Variants in AIFM3 observed in about 807,000 individuals in gnomAD.
AIFM3 encodes the protein apoptosis-inducing factor 3.
A neutral mutation model predicts 82.7 loss-of-function variants in AIFM3; 71 were observed. The observed-to-expected ratio is 0.86, with a 90% confidence interval of 0.71 to 1.05. The LOEUF (loss-of-function observed/expected upper bound fraction) is 1.05. Among genes scored for constraint, AIFM3 ranks in the 50% least tolerant of loss-of-function variants. The pLI is 0.00. For missense variants in AIFM3, 748 were observed against 816.7 expected, an observed-to-expected ratio of 0.92 and a Z score of 1.03; for synonymous variants, 337 against 329.1, an observed-to-expected ratio of 1.02 and a Z score of -0.26.
intron 17 of AIFM3, 62 bp downstream of exon 17, chr22:20,979,431 G>A: frequency 1.3e-6 from 2 of 1,485,444 alleles, no homozygotes; most frequent in South Asian, 2.4e-5. Flanking sequence ...GCTTGGGTGT[G>A]GGGCGGGGCT....
chr22:20,969,575 G>A (rs982971622), intron 2 of AIFM3, among the ~76,000 whole-genome samples: 1 of 152,074 alleles, frequency 6.6e-6, no homozygotes, highest in South Asian at 2.1e-4. Flanking sequence ...AACTACAGGC[G>A]CCCGCCACCA....
chr22:20,977,254 G>A, intron 14 of AIFM3, 159 bp downstream of exon 14: 3 of 1,059,358 alleles, frequency 2.8e-6, no homozygotes, highest in South Asian at 1.5e-5. Context: ...GAGCTGTTGG[G>A]GAAGGTATGT....
chr22:20,979,975 G>T (rs377269824), intron 18 of AIFM3, 45 bp from the exon 19 acceptor site: 19 of 1,564,520 alleles, frequency 1.2e-5, no homozygotes, highest in Non-Finnish European at 1.6e-5. Flanking sequence ...TCAAAAAGGG[G>T]CTGCTGCCTC....
chr22:20,976,825 T>C (rs1042122717), intron 12 of AIFM3, 42 bp from the exon 13 acceptor site: 11 of 1,592,932 alleles, frequency 6.9e-6, no homozygotes, highest in Non-Finnish European at 9.4e-6. Context: ...GGCCCCTGGC[T>C]GGGCTCTCAT....
Position 20,974,306 on chromosome 22 carries a change from T to C in AIFM3, c.510+10T>C. 2 of 1,613,046 alleles carry C rather than the reference T, an allele frequency of 1.2e-6. No individual in the cohort carries two copies. The highest frequency in any genetic ancestry group is 1.7e-6 in the Non-Finnish European group (2 of 1,179,806). ...CCGGGCCAGCAAGCAGGTGAGGGGATAGCTCGGGGCTCAGGCAGAAGGGAG... is the reference window on the plus strand; with the variant it reads ...CCGGGCCAGCAAGCAGGTGAGGGGACAGCTCGGGGCTCAGGCAGAAGGGAG... On this transcript the variant is annotated intron_variant, in intron 6 of 20. Coordinates refer to ENST00000440238, the MANE Select transcript of AIFM3 (RefSeq NM_001386814.1).
At position 20,979,263 on chromosome 22, in the gene AIFM3, T is replaced by A. The variant is rs200851854; in HGVS notation, c.1478-8T>A. 26 of 1,553,142 alleles carry A rather than the reference T, an allele frequency of 1.7e-5. No individual in the cohort carries two copies. The East Asian group carries it at 5.6e-4, about 33-fold the overall frequency. ...GAGTTAGGGTTCTCACGGCCCTGGGTCCCGCAGGGCGCGTGGCAGCCCAGA... is the reference window on the plus strand; with the variant it reads ...GAGTTAGGGTTCTCACGGCCCTGGGACCCGCAGGGCGCGTGGCAGCCCAGA... On this transcript the variant is annotated splice_polypyrimidine_tract_variant and splice_region_variant and intron_variant, in intron 16 of 20. Transcript: ENST00000440238.
chr22:20,974,204 TG>T, intron 5 of AIFM3, 32 bp downstream of exon 5: 1 of 1,598,962 alleles, frequency 6.3e-7, no homozygotes, highest in East Asian at 2.3e-5. Flanking sequence ...GGTGGGAACC[TG>T]GGGGTGTGGG....
In AIFM3 at chr22:20,981,107, C is replaced by A. The variant is rs1924089590; in HGVS notation, c.*76C>A. 1.3e-6 allele frequency: 2 copies of A among 1,591,140 alleles called. No individual in the cohort carries two copies. Among genetic ancestry groups the A allele is most frequent in the African/African-American group, 1.3e-5 (1 of 74,400 alleles). On this transcript the variant is annotated 3_prime_UTR_variant, in exon 21 of 21. Transcript: ENST00000440238. ...CCAAGCCTTGGGGGCAGGTGCCAAT[C>A]TCCAGTCCCAGGATCCCCCAGGGCA...
intron 10 of AIFM3, 46 bp downstream of exon 10, chr22:20,976,352 G>A: frequency 6.2e-7 from 1 of 1,613,642 alleles, no homozygotes; most frequent in Non-Finnish European, 8.5e-7. Flanking sequence ...GCAGGGCACT[G>A]GCCTGGACGG....
chr22:20,974,657 T>C (rs376761164), intron 7 of AIFM3, 36 bp downstream of exon 7: 34 of 1,613,142 alleles, frequency 2.1e-5, no homozygotes, highest in East Asian at 1.3e-4. Flanking sequence ...GGGTGGGAGA[T>C]GGGATTGGTG....
chr22:20,978,149 A>G (rs1452568960), intron 16 of AIFM3, 144 bp downstream of exon 16: 7 of 770,742 alleles, frequency 9.1e-6, no homozygotes, highest in Non-Finnish European at 1.5e-5. Context: ...GGCCAGCCTC[A>G]TCTCGGCGAT....
chr22:20,974,736 C>A lies in AIFM3; in HGVS notation c.640C>A (p.Arg214=). ...AAGLVCAETL[R]QEGFSDRIVL... ...TGGCCTGGTGTGTGCAGAGACACTGCGGCAGGAGGGCTTCTCCGACCGGAT... is the reference window on the plus strand; with the variant it reads ...TGGCCTGGTGTGTGCAGAGACACTGAGGCAGGAGGGCTTCTCCGACCGGAT... Residue 214 remains arginine, a synonymous_variant, in exon 8 of 21, where the codon CGG becomes AGG. Coordinates refer to ENST00000440238, the MANE Select transcript of AIFM3 (RefSeq NM_001386814.1). 1 of 1,614,006 alleles carries A rather than the reference C, an allele frequency of 6.2e-7. No individual in the cohort carries two copies. Among genetic ancestry groups the A allele is most frequent in the Non-Finnish European group, 8.5e-7 (1 of 1,180,000 alleles).
intron 2 of AIFM3, among the ~76,000 whole-genome samples, chr22:20,968,764 C>T (rs891030689): frequency 3.3e-5 from 5 of 152,136 alleles, no homozygotes; most frequent in African/African-American, 9.7e-5. Context: ...AAGAGCGCAG[C>T]CAGTGCTCCA....
rs201028984 is a variant in AIFM3 at position 20,977,741 on chromosome 22, G to A, written c.1324G>A (p.Gly442Ser). 458 of 1,614,172 alleles carry A rather than the reference G, an allele frequency of 2.8e-4. No individual in the cohort carries two copies. Among genetic ancestry groups the A allele is most frequent in the Non-Finnish European group, 2.2e-4 (262 of 1,180,040 alleles). The change falls in exon 15 of 21, where the codon GGT becomes AGT. Residue 442 changes from glycine to serine, a missense_variant. Coordinates refer to ENST00000440238, the MANE Select transcript of AIFM3 (RefSeq NM_001386814.1). ...ATGFLRQSGI[G>S]LDSRGFIPVN... ...AGGCTTCCTGAGGCAAAGCGGCATC[G>A]GTTTGGATTCCCGAGGCTTCATCCC...
At position 20,980,779 on chromosome 22, in the gene AIFM3, C is replaced by T; in HGVS notation, c.1778+12C>T. The T allele has an allele frequency of 1.9e-6, 3 of 1,614,182 alleles. No homozygotes were observed. Among genetic ancestry groups the T allele is most frequent in the Non-Finnish European group, 1.7e-6 (2 of 1,180,020 alleles). On this transcript the variant is annotated intron_variant, in intron 20 of 20. Coordinates refer to ENST00000440238, the MANE Select transcript of AIFM3 (RefSeq NM_001386814.1). The stretch of plus-strand genomic sequence containing the variant: ...GTGCTGCACAGCAAGTACGTGTGTC[C>T]TTCATGTTGACCGTTCTGAGCCTTT...
At chr22:20,980,247 C>G (rs2147952574) in intron 19 of AIFM3, 123 bp downstream of exon 19, 1 of 839,668 alleles carries the variant, frequency 1.2e-6, no homozygotes, top group South Asian at 1.7e-5. Context: ...TTTGCATCGC[C>G]TGAGGCTTAC....
Position 20,973,762 on chromosome 22 carries a change from CG to C in AIFM3, c.253del (p.Glu85LysfsTer12). On this transcript the variant is annotated frameshift_variant, in exon 4 of 21. Coordinates refer to ENST00000440238, the MANE Select transcript of AIFM3 (RefSeq NM_001386814.1). LOFTEE classifies it high-confidence loss of function. ...HVKDLENGQM[R>X]EVELGWGKVL... is the part of the protein sequence containing the mutation. ...CTGAGTGCTGCGGTTCCCCAGGATG[CG>C]GGAAGTGGAGCTGGGCTGGGGGAAG... is the stretch of plus-strand genomic sequence containing the variant. 6.4e-7 allele frequency: 1 copy of C among 1,556,144 alleles called. No individual in the cohort carries two copies. The highest frequency in any genetic ancestry group is 8.7e-7 in the Non-Finnish European group (1 of 1,150,866).
rs11334069 is a variant in AIFM3 at position 20,968,037 on chromosome 22, TCC to T, written c.31+69_31+70del. On this transcript the variant is annotated intron_variant, in intron 2 of 20. Transcript: ENST00000440238. ...CCTCCCCGCCTCCTCCTCCCCCGTC[TCC>T]CCCCCCTCCCCCTCTGCACTCGGTA... 430 of 1,451,806 alleles carry T rather than the reference TCC, an allele frequency of 3.0e-4. 6 individuals are homozygous for T. In the Middle Eastern group the frequency reaches 0.012, roughly 40 times the overall value. The allele number at this position is 1,451,806 out of a possible 1,614,324, so 89.9% of individuals were successfully genotyped here. A position where few individuals can be genotyped will look rare whatever the true frequency, so the allele number is the denominator to read the frequency against.
At chr22:20,975,988 G>A (rs184999995) in intron 9 of AIFM3, among the ~76,000 whole-genome samples, 6 of 152,364 alleles carry the variant, frequency 3.9e-5, no homozygotes, top group Admixed American at 6.5e-5. Flanking sequence ...GGAGATGAAC[G>A]ATCAGGGCTG....
Sources: gnomAD v4.1 joint callset for allele counts (sites outside exome capture counted in the v4.1 genomes callset) on GRCh38, gnomAD v4.1.1 for gene constraint, MANE v1.5 for transcripts, NCBI Gene and HGNC (gene_info 2026-07-23, HGNC 2026-07-21) for gene names.